The following PLPP4 variants were observed in gnomAD, a reference collection of about 807,000 sequenced individuals.
PLPP4 encodes the protein phospholipid phosphatase 4, also known as diacylglycerol pyrophosphate like 2.
In PLPP4, 20 loss-of-function variants were observed where a neutral mutation model predicts 32.2. The observed-to-expected ratio is 0.62, with a 90% CI of 0.44 to 0.90. PLPP4 has a LOEUF of 0.90. Ranked by LOEUF, PLPP4 falls within the 40% of genes least tolerant of loss-of-function variation. The pLI is 0.00. For synonymous variants in PLPP4, 127 were observed against 133.0 expected (o/e 0.95, Z 0.31); for missense variants, 257 against 353.1 (o/e 0.73, Z 2.18).
At chr10:120,585,909 T>A (rs1017564300) in intron 6 of PLPP4, among the ~76,000 whole-genome samples, 3 of 152,188 alleles carry the variant, frequency 2.0e-5, no homozygotes, top group Non-Finnish European at 4.4e-5. Flanking sequence ...TCACCAAGTC[T>A]GAGCAGACAC....
intron 5 of PLPP4, among the ~76,000 whole-genome samples, chr10:120,569,100 G>A (rs141098930): frequency 4.6e-5 from 7 of 152,178 alleles, no homozygotes; most frequent in African/African-American, 1.4e-4. Flanking sequence ...CTAGCTGGGC[G>A]TGGTGATGGG....
chr10:120,503,114 C>T (rs1034256158), intron 1 of PLPP4, among the ~76,000 whole-genome samples: 1 of 152,248 alleles, frequency 6.6e-6, no homozygotes, highest in Non-Finnish European at 1.5e-5. Context: ...CCAGGGCCGC[C>T]ATTTTGAATT....
chr10:120,459,737 G>C (rs1847956493), intron 1 of PLPP4, among the ~76,000 whole-genome samples: 1 of 152,080 alleles, frequency 6.6e-6, no homozygotes, highest in Non-Finnish European at 1.5e-5. Flanking sequence ...GCGGGGAGAG[G>C]GGGTATCTTG....
At chr10:120,553,628 C>T (rs1170773269) in intron 5 of PLPP4, among the ~76,000 whole-genome samples, 1 of 152,252 alleles carries the variant, frequency 6.6e-6, no homozygotes, top group Admixed American at 6.5e-5. Context: ...AAGTACATAT[C>T]TTGAGAAAGA....
chr10:120,527,361 A>T (rs1214246219), intron 5 of PLPP4, among the ~76,000 whole-genome samples: 2 of 152,160 alleles, frequency 1.3e-5, no homozygotes, highest in Non-Finnish European at 2.9e-5. Context: ...ACTCCTTCTT[A>T]TCTGGGAAAC....
At chr10:120,551,949 C>CT (rs1232088047) in intron 5 of PLPP4, among the ~76,000 whole-genome samples, 3 of 151,956 alleles carry the variant, frequency 2.0e-5, no homozygotes, top group Non-Finnish European at 4.4e-5. Context: ...GCTTTCCTAA[C>CT]TTTTTTTTAC....
chr10:120,588,671 C>G (rs1254155643), intron 6 of PLPP4, among the ~76,000 whole-genome samples: 1 of 152,172 alleles, frequency 6.6e-6, no homozygotes, highest in Admixed American at 6.5e-5. Flanking sequence ...GGCTTGAATT[C>G]TTCTTCCAGA....
Position 120,538,052 on chromosome 10 carries a change from C to CTCTCTGTGTGTG in PLPP4, c.445+16958_445+16959insCTCTGTGTGTGT, listed in dbSNP as rs1847142984. On this transcript the variant is annotated intron_variant, in intron 5 of 6. Transcript: ENST00000398250. Reference sequence around the variant, plus strand: ...TCTCTCTCTCTCTCTCTCTCTCTCTCTGTGTGTGTGTGTGTGTGTGTGTGT... The same window carrying CTCTCTGTGTGTG: ...TCTCTCTCTCTCTCTCTCTCTCTCTCTCTCTGTGTGTGTGTGTGTGTGTGTGTGTGTGTGTGT... 4.7e-4 allele frequency among the ~76,000 whole-genome samples: 9 copies of CTCTCTGTGTGTG among 18,988 alleles called. No individual in the cohort carries two copies. In the South Asian group the frequency reaches 7.9e-3, roughly 17 times the overall value. 12.5% of individuals were successfully genotyped at this position (18,988 alleles called of 152,430 possible). A position where few individuals can be genotyped will look rare whatever the true frequency, so the allele number is the denominator to read the frequency against.
At chr10:120,475,360 C>T (rs1843852270) in intron 1 of PLPP4, among the ~76,000 whole-genome samples, 1 of 152,140 alleles carries the variant, frequency 6.6e-6, no homozygotes, top group African/African-American at 2.4e-5. Flanking sequence ...GGCCCACAGG[C>T]CTGCGTTAGC....
chr10:120,562,431 GT>G (rs1848478768), intron 5 of PLPP4, among the ~76,000 whole-genome samples: 1 of 151,918 alleles, frequency 6.6e-6, no homozygotes, highest in Non-Finnish European at 1.5e-5. Flanking sequence ...TTTTTATTGA[GT>G]TCTCTTGTCT....
chr10:120,505,136 T>C (rs1032372043), intron 2 of PLPP4, among the ~76,000 whole-genome samples: 1 of 152,242 alleles, frequency 6.6e-6, no homozygotes, highest in Non-Finnish European at 1.5e-5. Flanking sequence ...ATTGTCCACA[T>C]TTCACAGATG....
At chr10:120,537,359 AAAAAG>A (rs1847078851) in intron 5 of PLPP4, among the ~76,000 whole-genome samples, 2 of 152,246 alleles carry the variant, frequency 1.3e-5, no homozygotes, top group African/African-American at 4.8e-5. Context: ...TCAGCTTCAA[AAAAAG>A]AAAAGGAAAT....
At chr10:120,563,177 C>T (rs1385443967) in intron 5 of PLPP4, among the ~76,000 whole-genome samples, 1 of 152,038 alleles carries the variant, frequency 6.6e-6, no homozygotes, top group Non-Finnish European at 1.5e-5. Flanking sequence ...AGGCAGAGGT[C>T]GCGGTGTGCG....
chr10:120,496,640 A>G (rs1844975271), intron 1 of PLPP4, among the ~76,000 whole-genome samples: 1 of 152,202 alleles, frequency 6.6e-6, no homozygotes, highest in African/African-American at 2.4e-5. Context: ...TAATCTCCAT[A>G]AGAGTTGGGA....
At position 120,503,769 on chromosome 10, in the gene PLPP4, A is replaced by G. The variant is rs77777579; in HGVS notation, c.57-49A>G. ...AGGGGGGCCTCCTTGGGAACTTCCC[A>G]CAGCAACAGAACGCTCAACCTTCAT... is the stretch of plus-strand genomic sequence containing the variant. On this transcript the variant is annotated intron_variant, in intron 1 of 6. Coordinates refer to ENST00000398250, the MANE Select transcript of PLPP4 (RefSeq NM_001030059.3). 5.0e-4 allele frequency: 799 copies of G among 1,593,762 alleles called. 5 individuals carry two copies. In the African/African-American group the frequency reaches 9.7e-3, roughly 19 times the overall value.
At chr10:120,495,487 G>A (rs1844918887) in intron 1 of PLPP4, among the ~76,000 whole-genome samples, 1 of 152,132 alleles carries the variant, frequency 6.6e-6, no homozygotes, top group Non-Finnish European at 1.5e-5. Flanking sequence ...GACCACATCG[G>A]ATGCCTGTTT....
intron 5 of PLPP4, among the ~76,000 whole-genome samples, chr10:120,548,456 C>T (rs969130160): frequency 7.2e-5 from 11 of 152,178 alleles, no homozygotes; most frequent in African/African-American, 2.4e-4. Context: ...GTATGTACCA[C>T]ATTTTCTTTA....
chr10:120,494,590 G>T (rs553111569), intron 1 of PLPP4, among the ~76,000 whole-genome samples: 9 of 152,340 alleles, frequency 5.9e-5, no homozygotes, highest in African/African-American at 1.9e-4. Flanking sequence ...ATCCCCAAGA[G>T]GGGGTGGTAA....
intron 1 of PLPP4, among the ~76,000 whole-genome samples, chr10:120,493,535 G>A (rs1028461228): frequency 1.1e-4 from 16 of 152,238 alleles, no homozygotes; most frequent in Admixed American, 3.9e-4. Flanking sequence ...TGCTTTACCC[G>A]CACGGCCTGT....
Sources: gnomAD v4.1 joint callset for allele counts (sites outside exome capture counted in the v4.1 genomes callset) on GRCh38, gnomAD v4.1.1 for gene constraint, MANE v1.5 for transcripts, NCBI Gene and HGNC (gene_info 2026-07-23, HGNC 2026-07-21) for gene names.